ZNF689: variants seen among roughly 807,000 people sequenced by gnomAD.
ZNF689 encodes the protein short ORF-encoded histone-binding protein.
A neutral mutation model predicts 37.2 loss-of-function variants in ZNF689; 14 were observed. The ratio of observed to expected loss-of-function variants is 0.38; its 90% CI spans 0.25 to 0.59. ZNF689 has a LOEUF of 0.59. Among genes scored for constraint, ZNF689 ranks in the 20% least tolerant of loss-of-function variants. ZNF689 has a pLI of 0.68. For synonymous variants in ZNF689, 277 were observed against 283.3 expected, an observed-to-expected ratio of 0.98 and a Z score of 0.22; for missense variants, 573 against 700.2, an observed-to-expected ratio of 0.82 and a Z score of 2.05.
chr16:30,607,651 T>C (rs1169020834), intron 2 of ZNF689, among the ~76,000 whole-genome samples: 1 of 150,996 alleles, frequency 6.6e-6, no homozygotes, highest in African/African-American at 2.4e-5. Context: ...GCACAGGCCC[T>C]AAGATCTTCT....
rs2052003167 is a variant in ZNF689 at position 30,603,696 on chromosome 16, T to TAGATGAAGTATTAAA, written c.*567_*568insTTTAATACTTCATCT. On this transcript the variant is annotated 3_prime_UTR_variant, in exon 3 of 3. Transcript: ENST00000287461. ...CTATGTAGATGAAGTATTAAACATG[T>TAGATGAAGTATTAAA]CGTAGGCAAGGTTTAGAGGAGAATG... 1 of 189,340 alleles carries TAGATGAAGTATTAAA rather than the reference T, an allele frequency of 5.3e-6. No individual in the cohort carries two copies. 11.7% of individuals were successfully genotyped at this position (189,340 alleles called of 1,614,324 possible).
Position 30,609,986 on chromosome 16 carries a change from C to G in ZNF689, c.56G>C (p.Ser19Thr), listed in dbSNP as rs2052080896. Residue 19 changes from serine to threonine, a missense_variant, in exon 1 of 3, where the codon AGT (serine) becomes ACT (threonine). Physicochemically the swap from Ser to Thr is moderately conservative, Grantham distance 58 (BLOSUM62 1). Coordinates refer to ENST00000287461, the MANE Select transcript of ZNF689 (RefSeq NM_138447.3). ...CCTCGGCCTCCTGCCCCTTTTCCGA[C>G]TGGGTCTGGCCTTTCCTGGTCCCTG... ...PAQGPGKARP[S>T]RKRGRRPRAL... 1 of 1,610,580 alleles carries G rather than the reference C, an allele frequency of 6.2e-7. No individual in the cohort carries two copies. Among genetic ancestry groups the G allele is most frequent in the Non-Finnish European group, 8.5e-7 (1 of 1,178,994 alleles).
Position 30,604,723 on chromosome 16 carries a change from C to T in ZNF689, c.1044G>A (p.Glu348=). ...GCTGGGAGAAGCGGGCCTCACAGTGCTCGCAGGCATAGGGACGCTCCCCAG... is the reference window on the plus strand; with the variant it reads ...GCTGGGAGAAGCGGGCCTCACAGTGTTCGCAGGCATAGGGACGCTCCCCAG... ...VHSGERPYAC[E]HCEARFSQRS... Residue 348 remains glutamate, a synonymous_variant, in exon 3 of 3, where the codon GAG becomes GAA. Transcript: ENST00000287461. This position sits in a 1 kb window ranked among gnomAD's most constrained non-coding sequence, Gnocchi z 5.2. 1 of 1,600,696 alleles carries T rather than the reference C, an allele frequency of 6.2e-7. No individual in the cohort carries two copies. Among genetic ancestry groups the T allele is most frequent in the Non-Finnish European group, 8.5e-7 (1 of 1,175,614 alleles).
chr16:30,610,161 G>T lies in ZNF689; in HGVS notation c.-120C>A. On this transcript the variant is annotated 5_prime_UTR_variant, in exon 1 of 3. Transcript: ENST00000287461. ...GGGCTGAGCGTGGCCGGGGAGGCCC[G>T]GAGGGAATCGGAATTGGTCGCCCGC... is the stretch of plus-strand genomic sequence containing the variant. 1 of 1,218,562 alleles carries T rather than the reference G, an allele frequency of 8.2e-7. No homozygotes were observed. Among genetic ancestry groups the T allele is most frequent in the Non-Finnish European group, 1.1e-6 (1 of 899,944 alleles). 75.5% of individuals were successfully genotyped at this position (1,218,562 alleles called of 1,614,324 possible).
rs1156328169 is a variant in ZNF689, at chr16:30,602,585, C to T, written c.*1679G>A. On this transcript the variant is annotated 3_prime_UTR_variant, in exon 3 of 3. Transcript: ENST00000287461. ...CATTCATCAGACATTTTAATGAGAC[C>T]CAATCTGATATGACCCCTTCTTGGG... 1 of 152,062 alleles carries T rather than the reference C, an allele frequency of 6.6e-6. No homozygotes were observed. Among genetic ancestry groups the T allele is most frequent in the African/African-American group, 2.4e-5 (1 of 41,390 alleles). 9.4% of individuals were successfully genotyped at this position (152,062 alleles called of 1,614,324 possible). A position where few individuals can be genotyped will look rare whatever the true frequency, so the allele number is the denominator to read the frequency against.
rs1239261155 is a variant in ZNF689, at chr16:30,605,275, C to T, written c.492G>A (p.Leu164=). 3 of 1,610,890 alleles carry T rather than the reference C, an allele frequency of 1.9e-6. No homozygotes were observed. Among genetic ancestry groups the T allele is most frequent in the Admixed American group, 3.3e-5 (2 of 59,734 alleles). Reference sequence around the variant, plus strand: ...GATTCTGGGCGCACTTGTGGCTCTCCAGGGCCTGATGATCAGGGAAGGTAC... The same window carrying T: ...GATTCTGGGCGCACTTGTGGCTCTCTAGGGCCTGATGATCAGGGAAGGTAC... ...CGCTFPDHQA[L]ESHKCAQNLK... Residue 164 remains leucine, a synonymous_variant, in exon 3 of 3, where the codon CTG becomes CTA. Coordinates refer to ENST00000287461, the MANE Select transcript of ZNF689 (RefSeq NM_138447.3). The surrounding 1 kb of genome is among the most constrained non-coding windows in gnomAD (Gnocchi z 5.1).
intron 2 of ZNF689, among the ~76,000 whole-genome samples, chr16:30,606,392 G>A (rs1222860121): frequency 2.6e-5 from 4 of 152,072 alleles, no homozygotes; most frequent in Non-Finnish European, 5.9e-5. Flanking sequence ...AACCATATTA[G>A]TTTTTTCCCA....
Position 30,604,332 on chromosome 16 carries a change from G to A in ZNF689, c.1435C>T (p.Pro479Ser), listed in dbSNP as rs1363133041. 5 of 1,613,938 alleles carry A rather than the reference G, an allele frequency of 3.1e-6. No homozygotes were observed. The highest frequency in any genetic ancestry group is 4.2e-6 in the Non-Finnish European group (5 of 1,179,958). ...RWSLAVHKCS[P>S]KAPNCSPRSA... ...CTAGGGCTACAGTTTGGGGCCTTGG[G>A]GCTACACTTGTGGACAGCCAGAGAC... The change falls in exon 3 of 3, where the codon CCC becomes TCC. Residue 479 changes from proline to serine, a missense_variant. By Grantham distance (74) the Pro-to-Ser change is moderately conservative. Transcript: ENST00000287461. The surrounding 1 kb of genome is among the most constrained non-coding windows in gnomAD (Gnocchi z 5.2).
Position 30,604,693 on chromosome 16 carries a change from G to C in ZNF689, c.1074C>G (p.Ser358Arg). 1 of 1,609,546 alleles carries C rather than the reference G, an allele frequency of 6.2e-7. No homozygotes were observed. The highest frequency in any genetic ancestry group is 8.5e-7 in the Non-Finnish European group (1 of 1,179,176). ...EHCEARFSQR[S>R]TLLQHQLLHT... ...GCAAGAGCTGGTGCTGGAGCAGCGT[G>C]CTGCGCTGGGAGAAGCGGGCCTCAC... is the stretch of plus-strand genomic sequence containing the variant. Residue 358 changes from serine to arginine, a missense_variant, in exon 3 of 3, where the codon AGC becomes AGG. Physicochemically the swap from Ser to Arg is moderately radical, Grantham distance 110 (BLOSUM62 -1). Around this residue, in one of 3 missense-constraint regions of ZNF689, gnomAD observed 317 missense variants for 367.1 expected, o/e 0.86. Coordinates refer to ENST00000287461, the MANE Select transcript of ZNF689 (RefSeq NM_138447.3). The surrounding 1 kb of genome is among the most constrained non-coding windows in gnomAD (Gnocchi z 5.2).
intron 2 of ZNF689, among the ~76,000 whole-genome samples, chr16:30,607,765 T>A (rs2052050167): frequency 6.6e-6 from 1 of 151,894 alleles, no homozygotes; most frequent in African/African-American, 2.4e-5. Context: ...AGGTCAGGAG[T>A]TCGAGACCAG....
At position 30,610,143 on chromosome 16, in the gene ZNF689, G is replaced by C; in HGVS notation, c.-102C>G. 4 of 1,372,020 alleles carry C rather than the reference G, an allele frequency of 2.9e-6. No individual in the cohort carries two copies. Among genetic ancestry groups the C allele is most frequent in the Non-Finnish European group, 3.9e-6 (4 of 1,032,956 alleles). 85.0% of individuals were successfully genotyped at this position (1,372,020 alleles called of 1,614,324 possible). On this transcript the variant is annotated 5_prime_UTR_variant, in exon 1 of 3. Transcript: ENST00000287461. ...GGAGCCCCTGCCGGACCAGGGCTGAGCGTGGCCGGGGAGGCCCGGAGGGAA... is the reference window on the plus strand; with the variant it reads ...GGAGCCCCTGCCGGACCAGGGCTGACCGTGGCCGGGGAGGCCCGGAGGGAA...
In ZNF689 at chr16:30,610,326, A is replaced by C; in HGVS notation, c.-285T>G. On this transcript the variant is annotated 5_prime_UTR_variant, in exon 1 of 3. Coordinates refer to ENST00000287461, the MANE Select transcript of ZNF689 (RefSeq NM_138447.3). ...CCTGGAACACAGGCAGCTTCCAGCTATCGATTTTATTGACCGGAGCGCCAT... is the reference window on the plus strand; with the variant it reads ...CCTGGAACACAGGCAGCTTCCAGCTCTCGATTTTATTGACCGGAGCGCCAT... 4.5e-6 allele frequency: 2 copies of C among 444,186 alleles called. No individual in the cohort carries two copies. Among genetic ancestry groups the C allele is most frequent in the Non-Finnish European group, 8.0e-6 (2 of 248,510 alleles). 27.5% of individuals were successfully genotyped at this position (444,186 alleles called of 1,614,324 possible).
rs756439169 is a variant in ZNF689, at chr16:30,605,218, C to T, written c.549G>A (p.Gly183=). 3.1e-6 allele frequency: 5 copies of T among 1,614,120 alleles called. No individual in the cohort carries two copies. The highest frequency in any genetic ancestry group is 1.7e-5 in the Admixed American group (1 of 60,014). The change falls in exon 3 of 3, where the codon GGG becomes GGA. Residue 183 remains glycine (G), a synonymous_variant. Coordinates refer to ENST00000287461, the MANE Select transcript of ZNF689 (RefSeq NM_138447.3). The surrounding 1 kb of genome is among the most constrained non-coding windows in gnomAD (Gnocchi z 5.1). ...GCAGGGATGGATAGGAAAAGCGGCG[C>T]CCACAGTCTGGGCAAGGGTAAGGCT... ...LKKPYPCPDC[G]RRFSYPSLLV... is the part of the protein sequence containing the mutation.
At chr16:30,608,979 G>A (rs1298071371) in intron 2 of ZNF689, among the ~76,000 whole-genome samples, 1 of 151,966 alleles carries the variant, frequency 6.6e-6, no homozygotes, top group South Asian at 2.1e-4. Flanking sequence ...TCATCCTGCC[G>A]TAAGAGCAGA....
intron 2 of ZNF689, among the ~76,000 whole-genome samples, chr16:30,607,205 C>T (rs971338187): frequency 6.3e-5 from 9 of 141,770 alleles, no homozygotes; most frequent in Non-Finnish European, 1.0e-4. Flanking sequence ...GCCAAGATCA[C>T]GCCATTGCAC....
chr16:30,604,726 G>A lies in ZNF689; in HGVS notation c.1041C>T (p.Cys347=), dbSNP rs780603755. Residue 347 remains cysteine, a synonymous_variant, in exon 3 of 3, where the codon TGC becomes TGT. Transcript: ENST00000287461. This position sits in a 1 kb window ranked among gnomAD's most constrained non-coding sequence, Gnocchi z 5.2. The stretch of plus-strand genomic sequence containing the variant: ...GGGAGAAGCGGGCCTCACAGTGCTC[G>A]CAGGCATAGGGACGCTCCCCAGAGT... ...RVHSGERPYA[C]EHCEARFSQR... is the part of the protein sequence containing the mutation. 6.2e-7 allele frequency: 1 copy of A among 1,605,930 alleles called. No homozygotes were observed. Among genetic ancestry groups the A allele is most frequent in the East Asian group, 2.2e-5 (1 of 44,694 alleles).
In ZNF689 at chr16:30,610,241, T is replaced by A; in HGVS notation, c.-200A>T. On this transcript the variant is annotated 5_prime_UTR_variant, in exon 1 of 3. Transcript: ENST00000287461. ...CAGGAAACTCCTGCCCGAACTTGGGTGAAAGGCACCGGAAGATGCCTTCGG... is the reference window on the plus strand; with the variant it reads ...CAGGAAACTCCTGCCCGAACTTGGGAGAAAGGCACCGGAAGATGCCTTCGG... The A allele has an allele frequency of 1.5e-6, 1 of 646,028 alleles. No individual in the cohort carries two copies. The highest frequency in any genetic ancestry group is 2.6e-6 in the Non-Finnish European group (1 of 388,622). The allele number at this position is 646,028 out of a possible 1,614,324, so 40.0% of individuals were successfully genotyped here.
At position 30,604,877 on chromosome 16, in the gene ZNF689, C is replaced by G. The variant is rs574876295; in HGVS notation, c.890G>C (p.Arg297Pro). The G allele has an allele frequency of 2.5e-6, 4 of 1,579,850 alleles. No individual in the cohort carries two copies. The highest frequency in any genetic ancestry group is 3.4e-6 in the Non-Finnish European group (4 of 1,162,688). The change falls in exon 3 of 3, where the codon CGC (arginine) becomes CCC (proline). Residue 297 changes from arginine (R) to proline (P), a missense_variant. Arg to Pro is a moderately radical substitution (Grantham distance 103). Around this residue, in one of 3 missense-constraint regions of ZNF689, gnomAD observed 317 missense variants for 367.1 expected, o/e 0.86. Transcript: ENST00000287461. This position sits in a 1 kb window ranked among gnomAD's most constrained non-coding sequence, Gnocchi z 5.2. ...GACGAGGGCCGTGCGCTGGCGGAAG[C>G]GGCGGTTGCACTCGAGGCAAGTGTA... ...KPYTCLECNR[R>P]FRQRTALVIH...
Position 30,610,302 on chromosome 16 carries a change from C to T in ZNF689, c.-261G>A. 2 of 513,778 alleles carry T rather than the reference C, an allele frequency of 3.9e-6. No individual in the cohort carries two copies. Among genetic ancestry groups the T allele is most frequent in the East Asian group, 6.6e-5 (2 of 30,190 alleles). The allele number at this position is 513,778 out of a possible 1,614,324, so 31.8% of individuals were successfully genotyped here. On this transcript the variant is annotated 5_prime_UTR_variant, in exon 1 of 3. Transcript: ENST00000287461. ...GGCGCTGCTACCGCACCGCCTTTGC[C>T]TGGAACACAGGCAGCTTCCAGCTAT...
Sources: gnomAD v4.1 joint callset for allele counts (sites outside exome capture counted in the v4.1 genomes callset) on GRCh38, gnomAD v4.1.1 for gene constraint, gnomAD v4.1.1 regional missense constraint, Gnocchi (gnomAD v3.1) non-coding constraint, MANE v1.5 for transcripts, NCBI Gene and HGNC (gene_info 2026-07-23, HGNC 2026-07-21) for gene names.